Variants in HGF observed in about 807,000 individuals in gnomAD.
HGF encodes fibroblast-derived tumor cytotoxic factor.
Under a neutral mutation model 111.6 loss-of-function variants are expected in HGF, and 39 were observed. That is an observed-to-expected ratio of 0.35 (90% CI 0.27 to 0.46). The LOEUF is 0.46. Ranked by LOEUF, HGF falls within the 20% of genes least tolerant of loss-of-function variation. The probability of loss-of-function intolerance (pLI) is 1.00; values close to 1 mark genes in which losing one functional copy is unlikely to be tolerated. For missense variants in HGF, 735 were observed against 910.5 expected, an observed-to-expected ratio of 0.81 and a Z score of 2.48; for synonymous variants, 285 against 294.8, an observed-to-expected ratio of 0.97 and a Z score of 0.34.
At position 81,753,976 on chromosome 7, in the gene HGF, A is replaced by G. The variant is rs532107584; in HGVS notation, c.483-1714T>C. 3.3e-5 allele frequency among the ~76,000 whole-genome samples: 5 copies of G among 152,038 alleles called. No homozygotes were observed. In the South Asian group the frequency reaches 1.0e-3, roughly 32 times the overall value. ...CTTTTGTTTGGGCCATGGCTTACTC[A>G]CTTTTCTGATAGAATCAAATGTGAC... On this transcript the variant is annotated intron_variant, in intron 4 of 17. Coordinates refer to ENST00000222390, the MANE Select transcript of HGF (RefSeq NM_000601.6).
intron 13 of HGF, 38 bp downstream of exon 13, chr7:81,710,109 A>G: frequency 1.5e-6 from 2 of 1,320,688 alleles, no homozygotes; most frequent in Non-Finnish European, 2.2e-6. Flanking sequence ...TCTTGTACAT[A>G]TTCTGGATAT....
chr7:81,730,564 C>A (rs1234068447), intron 7 of HGF, among the ~76,000 whole-genome samples: 2 of 152,166 alleles, frequency 1.3e-5, no homozygotes, highest in African/African-American at 4.8e-5. Flanking sequence ...GAAGATCTAT[C>A]TCCTGCTTTT....
intron 11 of HGF, among the ~76,000 whole-genome samples, 195 bp downstream of exon 11, chr7:81,717,037 C>T (rs963521445): frequency 5.9e-5 from 9 of 151,984 alleles, no homozygotes; most frequent in East Asian, 3.9e-4. Flanking sequence ...CTTATCTATA[C>T]GAGAGATGGA....
intron 7 of HGF, among the ~76,000 whole-genome samples, chr7:81,741,625 T>C (rs1788008329): frequency 6.6e-6 from 1 of 150,806 alleles, no homozygotes; most frequent in Non-Finnish European, 1.5e-5. Flanking sequence ...ATAGGTTTTA[T>C]TCCAGAGAAA....
At chr7:81,727,741 C>T (rs868407651) in intron 8 of HGF, among the ~76,000 whole-genome samples, 31 of 152,230 alleles carry the variant, frequency 2.0e-4, no homozygotes, top group African/African-American at 7.5e-4. Flanking sequence ...CCGTCTCATC[C>T]TCCCAAAGTT....
chr7:81,747,061 A>G (rs1171819813), intron 5 of HGF, among the ~76,000 whole-genome samples: 1 of 152,182 alleles, frequency 6.6e-6, no homozygotes, highest in Admixed American at 6.5e-5. Context: ...AGTTCTGGCC[A>G]GGCACGGTGG....
chr7:81,760,053 C>A (rs1375707170), intron 2 of HGF, among the ~76,000 whole-genome samples: 1 of 152,172 alleles, frequency 6.6e-6, no homozygotes, highest in Non-Finnish European at 1.5e-5. Flanking sequence ...AATACAATGA[C>A]AAATTCTTTA....
chr7:81,755,920 C>G, intron 4 of HGF: 1 of 675,386 alleles, frequency 1.5e-6, no homozygotes, highest in Non-Finnish European at 2.7e-6. Context: ...AGGTTTAATC[C>G]CAGTGTGGAG....
intron 13 of HGF, among the ~76,000 whole-genome samples, chr7:81,708,018 A>AT (rs1252646764): frequency 1.3e-5 from 2 of 152,096 alleles, no homozygotes; most frequent in South Asian, 2.1e-4. Context: ...GTACTAGTAC[A>AT]TTTTTTTGAT....
Position 81,707,316 on chromosome 7 carries a change from A to G in HGF, c.1590T>C (p.Leu530=), listed in dbSNP as rs772441910. ...GGSLIKESWV[L]TARQCFPSRD... ...GAGAAGGGAAACACTGTCGTGCAGT[A>G]AGAACCCAACTCTCCTTTATCAATG... The change falls in exon 14 of 18, where the codon CTT becomes CTC. Residue 530 remains leucine, a synonymous_variant. Transcript: ENST00000222390. The G allele has an allele frequency of 6.2e-7, 1 of 1,602,296 alleles. No homozygotes were observed. The highest frequency in any genetic ancestry group is 1.7e-5 in the Admixed American group (1 of 59,866).
At chr7:81,703,129 C>T (rs1789330701) in intron 17 of HGF, among the ~76,000 whole-genome samples, 1 of 151,042 alleles carries the variant, frequency 6.6e-6, no homozygotes, top group Non-Finnish European at 1.5e-5. Context: ...TTCTTATGTT[C>T]AATATAGGAA....
chr7:81,716,499 T>C (rs1789716009), intron 11 of HGF, among the ~76,000 whole-genome samples: 1 of 152,180 alleles, frequency 6.6e-6, no homozygotes, highest in African/African-American at 2.4e-5. Flanking sequence ...TTAAACATTT[T>C]TTTCCTACGA....
chr7:81,724,097 A>C (rs1283094509), intron 9 of HGF, among the ~76,000 whole-genome samples: 1 of 152,190 alleles, frequency 6.6e-6, no homozygotes, highest in African/African-American at 2.4e-5. Flanking sequence ...AATACACACC[A>C]AAGGTTTATC....
chr7:81,726,003 T>C lies in HGF; in HGVS notation c.1055A>G (p.Asn352Ser). ...ENFKCKDLRENYCRNPDGSES... is the reference protein window; with the variant it reads ...ENFKCKDLRESYCRNPDGSES... ...AGACCCATCTGGATTTCGGCAGTAATTTTCTCGTAGGTCCCTATTGAGAAT... is the reference window on the plus strand; with the variant it reads ...AGACCCATCTGGATTTCGGCAGTAACTTTCTCGTAGGTCCCTATTGAGAAT... Residue 352 changes from asparagine to serine, a missense_variant, in exon 9 of 18, where the codon AAT (asparagine) becomes AGT (serine). Physicochemically the swap from Asn to Ser is conservative, Grantham distance 46. Around this residue, in one of 3 missense-constraint regions of HGF, gnomAD observed 553 missense variants for 685.6 expected, o/e 0.81. Transcript: ENST00000222390. 6.2e-7 allele frequency: 1 copy of C among 1,614,060 alleles called. No individual in the cohort carries two copies. The highest frequency in any genetic ancestry group is 8.5e-7 in the Non-Finnish European group (1 of 1,179,926).
At position 81,702,646 on chromosome 7, in the gene HGF, G is replaced by A. The variant is rs201768315; in HGVS notation, c.2122C>T (p.Arg708Ter). The change falls in exon 18 of 18, where the codon CGA becomes TGA. Residue 708 changes from arginine to a stop codon, truncating the protein, a stop_gained. Transcript: ENST00000222390. LOFTEE classifies it high-confidence loss of function. ...ATCCATTTTGCATAATATGCTACTCGGACAAAAATACCAGGACGATTTGGA... is the reference window on the plus strand; with the variant it reads ...ATCCATTTTGCATAATATGCTACTCAGACAAAAATACCAGGACGATTTGGA... ...AIPNRPGIFV[R>*]VAYYAKWIHK... The A allele has an allele frequency of 3.1e-6, 5 of 1,610,930 alleles. No individual in the cohort carries two copies. Among genetic ancestry groups the A allele is most frequent in the Non-Finnish European group, 2.5e-6 (3 of 1,178,012 alleles).
At chr7:81,739,871 C>T (rs1787950218) in intron 7 of HGF, among the ~76,000 whole-genome samples, 1 of 152,098 alleles carries the variant, frequency 6.6e-6, no homozygotes, top group Non-Finnish European at 1.5e-5. Context: ...TTCAGTGTTT[C>T]TCATGGCAAC....
chr7:81,727,072 G>A (rs1186721420), intron 8 of HGF, among the ~76,000 whole-genome samples: 1 of 147,404 alleles, frequency 6.8e-6, no homozygotes, highest in Non-Finnish European at 1.5e-5. Context: ...ACAGAGTCTC[G>A]TTCTGTCGCC....
intron 4 of HGF, chr7:81,756,051 G>A (rs777068520): frequency 3.1e-5 from 22 of 701,610 alleles, no homozygotes; most frequent in Non-Finnish European, 7.8e-6. Context: ...CAACAAGGCA[G>A]TCATCACCAC....
intron 7 of HGF, among the ~76,000 whole-genome samples, chr7:81,731,413 A>G (rs1304972290): frequency 6.6e-6 from 1 of 152,194 alleles, no homozygotes; most frequent in African/African-American, 2.4e-5. Context: ...GGTAACTGAG[A>G]GCTGATAGCC....
Sources: gnomAD v4.1 joint callset for allele counts (sites outside exome capture counted in the v4.1 genomes callset) on GRCh38, gnomAD v4.1.1 for gene constraint, gnomAD v4.1.1 regional missense constraint, MANE v1.5 for transcripts, NCBI Gene and HGNC (gene_info 2026-07-23, HGNC 2026-07-21) for gene names.